SLC17A3: variants seen among roughly 807,000 people sequenced by gnomAD.
The protein encoded by SLC17A3 is sodium-dependent phosphate transport protein 4.
In SLC17A3, 61 loss-of-function variants were observed where a neutral mutation model predicts 60.3. The observed-to-expected ratio is 1.01, with a 90% CI of 0.82 to 1.25. The LOEUF is 1.25. SLC17A3 is among the 50% of genes most tolerant of loss of function. SLC17A3 has a pLI of 0.00. For missense variants in SLC17A3, 624 were observed against 594.9 expected (o/e 1.05, Z -0.51); for synonymous variants, 192 against 208.9 (o/e 0.92, Z 0.70).
chr6:25,865,823 A>C (rs866105992), intron 2 of SLC17A3, among the ~76,000 whole-genome samples: 24 of 151,958 alleles, frequency 1.6e-4, no homozygotes. Context: ...CCCTAGCTAT[A>C]CAAGAATGTG....
intron 5 of SLC17A3, among the ~76,000 whole-genome samples, chr6:25,856,961 A>G (rs1438137687): frequency 6.6e-6 from 1 of 151,994 alleles, no homozygotes; most frequent in African/African-American, 2.4e-5. Context: ...AGGTGGGAAG[A>G]TCAGTTGAGG....
At chr6:25,862,085 C>G (rs555842552) in intron 3 of SLC17A3, 56 bp from the exon 4 acceptor site, 49 of 1,456,782 alleles carry the variant, frequency 3.4e-5, no homozygotes, top group South Asian at 9.9e-5. Flanking sequence ...TCTTACATAC[C>G]CTAGAAAGCT....
At chr6:25,851,301 A>G (rs1747551) in intron 6 of SLC17A3, among the ~76,000 whole-genome samples, 37,163 of 150,754 alleles carry the variant, frequency 0.25, 4,805 homozygotes, top group African/African-American at 0.31. Flanking sequence ...CATTCTGAAT[A>G]AAAATCCTTA....
At chr6:25,859,831 C>G (rs1242733281) in intron 5 of SLC17A3, among the ~76,000 whole-genome samples, 1 of 152,148 alleles carries the variant, frequency 6.6e-6, no homozygotes, top group Non-Finnish European at 1.5e-5. Context: ...CCTGCTTGTA[C>G]TCTATCTCAC....
intron 5 of SLC17A3, among the ~76,000 whole-genome samples, chr6:25,858,003 A>AGCATAT (rs1765386551): frequency 6.6e-6 from 1 of 152,022 alleles, no homozygotes; most frequent in Non-Finnish European, 1.5e-5. Flanking sequence ...TGAGTACACA[A>AGCATAT]GCATATGTTA....
At chr6:25,853,760 A>G (rs560351986) in intron 6 of SLC17A3, among the ~76,000 whole-genome samples, 64 of 152,170 alleles carry the variant, frequency 4.2e-4, no homozygotes, top group African/African-American at 1.5e-3. Context: ...AGTTTGATTT[A>G]GGTTTACTTA....
chr6:25,863,851 A>G (rs1044412676), intron 2 of SLC17A3, among the ~76,000 whole-genome samples: 1 of 152,082 alleles, frequency 6.6e-6, no homozygotes, highest in Non-Finnish European at 1.5e-5. Flanking sequence ...CAATCATCGA[A>G]CAAAACACTC....
chr6:25,849,957 G>A lies in SLC17A3; in HGVS notation c.1124-5C>T. ...GTGCTGAAGAGGGGAGACTTCCTAG[G>A]AAATGAAGAAGAAACCAATTAAACA... On this transcript the variant is annotated splice_polypyrimidine_tract_variant and splice_region_variant and intron_variant, in intron 9 of 12. Coordinates refer to ENST00000397060, the MANE Select transcript of SLC17A3 (RefSeq NM_001098486.2). 6.2e-7 allele frequency: 1 copy of A among 1,613,998 alleles called. No homozygotes were observed. Among genetic ancestry groups the A allele is most frequent in the Non-Finnish European group, 8.5e-7 (1 of 1,179,866 alleles).
rs753846510 is a variant in SLC17A3, at chr6:25,849,372, A to G, written c.1362+2T>C. The G allele has an allele frequency of 1.3e-6, 2 of 1,577,650 alleles. No individual in the cohort carries two copies. Among genetic ancestry groups the G allele is most frequent in the South Asian group, 2.2e-5 (2 of 90,246 alleles). On this transcript the variant is annotated splice_donor_variant, in intron 11 of 12. Transcript: ENST00000397060. LOFTEE classifies it high-confidence loss of function. The stretch of plus-strand genomic sequence containing the variant: ...GAGTCCTTCATGACAAAAAAATTGT[A>G]CCTGACTAAGAAGAAATCCACTGAC...
At position 25,868,288 on chromosome 6, in the gene SLC17A3, C is replaced by T. The variant is rs1428043193; in HGVS notation, c.91+9G>A. 1.2e-6 allele frequency: 2 copies of T among 1,608,828 alleles called. No individual in the cohort carries two copies. Among genetic ancestry groups the T allele is most frequent in the Non-Finnish European group, 1.7e-6 (2 of 1,176,002 alleles). ...AATCCTAAAACCAAGCAGTTGAGGT[C>T]AAATTTACCTTTCCTGGGGATCAGT... On this transcript the variant is annotated intron_variant, in intron 2 of 12. Transcript: ENST00000397060.
chr6:25,866,016 G>T (rs952038829), intron 2 of SLC17A3, among the ~76,000 whole-genome samples: 5 of 151,954 alleles, frequency 3.3e-5, no homozygotes, highest in Non-Finnish European at 5.9e-5. Context: ...TGATGTGACA[G>T]ACAGACCTTA....
intron 11 of SLC17A3, 143 bp from the exon 12 acceptor site, chr6:25,845,659 A>G: frequency 2.2e-6 from 2 of 889,028 alleles, no homozygotes; most frequent in South Asian, 2.9e-5. Context: ...AGTTAAATGC[A>G]AAGGATTTCA....
intron 6 of SLC17A3, among the ~76,000 whole-genome samples, chr6:25,853,620 G>A (rs754021825): frequency 2.6e-5 from 4 of 151,630 alleles, no homozygotes; most frequent in Admixed American, 6.6e-5. Flanking sequence ...GAGTTTCACC[G>A]TGTTAGCCAG....
chr6:25,852,945 G>A (rs1352031177), intron 6 of SLC17A3, among the ~76,000 whole-genome samples: 1 of 152,080 alleles, frequency 6.6e-6, no homozygotes, highest in Admixed American at 6.5e-5. Context: ...ATTAAGCTTT[G>A]TTTTGGGATA....
chr6:25,868,503 A>G (rs1012738535), intron 1 of SLC17A3, 83 bp from the exon 2 acceptor site: 13 of 906,258 alleles, frequency 1.4e-5, no homozygotes, highest in South Asian at 4.3e-5. Context: ...GGCACCAAGG[A>G]AAAAAAAGCT....
chr6:25,852,715 A>T (rs532494540), intron 6 of SLC17A3, among the ~76,000 whole-genome samples: 20 of 152,274 alleles, frequency 1.3e-4, no homozygotes, highest in African/African-American at 4.8e-4. Flanking sequence ...GAACATACAG[A>T]CTTATGCTAT....
intron 2 of SLC17A3, among the ~76,000 whole-genome samples, chr6:25,863,226 C>T (rs1051298588): frequency 6.6e-6 from 1 of 152,024 alleles, no homozygotes; most frequent in Non-Finnish European, 1.5e-5. Context: ...AATTAAAGAA[C>T]TCTTCAGAAG....
chr6:25,860,582 G>A (rs998900892), intron 5 of SLC17A3, among the ~76,000 whole-genome samples: 2 of 152,078 alleles, frequency 1.3e-5, no homozygotes, highest in African/African-American at 4.8e-5. Context: ...AACTAGGTTT[G>A]GAGGCCAGAA....
At chr6:25,857,595 G>T (rs1216549918) in intron 5 of SLC17A3, among the ~76,000 whole-genome samples, 2 of 151,310 alleles carry the variant, frequency 1.3e-5, no homozygotes, top group Non-Finnish European at 2.9e-5. Flanking sequence ...TTATTTACTT[G>T]TGTTGCCTCA....
Sources: allele counts gnomAD v4.1 joint callset (sites outside exome capture counted in the v4.1 genomes callset), GRCh38; gene constraint gnomAD v4.1.1; transcripts MANE v1.5; gene names NCBI Gene and HGNC (gene_info 2026-07-23, HGNC 2026-07-21).